The following OR51B5 variants were observed in gnomAD, a reference collection of about 807,000 sequenced individuals.
The protein encoded by OR51B5 is olfactory receptor 51B5.
For missense variants in OR51B5, 456 were observed against 374.6 expected (o/e 1.22, Z -1.79); for synonymous variants, 186 against 144.8 (o/e 1.28, Z -2.04).
rs376942679 is a variant in OR51B5 at position 5,342,607 on chromosome 11, A to G, written c.918T>C (p.Thr306=). ...GAGATCAGGTTCCAATTCTATGGGT[A>G]GTAAAAAGGTGAAGAATGGCATTCT... The change falls in exon 1 of 1, where the codon ACT becomes ACC. Residue 306 remains threonine (T), a synonymous_variant. Transcript: ENST00000300773. 9 of 1,592,818 alleles carry G rather than the reference A, an allele frequency of 5.7e-6. No individual in the cohort carries two copies. In the African/African-American group the frequency reaches 6.8e-5, roughly 12 times the overall value.
At chr11:5,454,148 C>A (rs753973848) in intron 1 of OR51B5, 2 of 1,614,180 alleles carry the variant, frequency 1.2e-6, no homozygotes, top group South Asian at 1.1e-5. Flanking sequence ...CCTATGTGCT[C>A]ATTCTGCGTT....
chr11:5,441,534 G>T (rs1046757434), intron 1 of OR51B5: 9 of 1,582,746 alleles, frequency 5.7e-6, no homozygotes, highest in Non-Finnish European at 7.8e-6. Context: ...ATATAGATAG[G>T]GAATGGACCC....
At chr11:5,478,859 T>C (rs1851363583) in intron 1 of OR51B5, among the ~76,000 whole-genome samples, 1 of 150,192 alleles carries the variant, frequency 6.7e-6, no homozygotes, top group Non-Finnish European at 1.5e-5. Flanking sequence ...TATGGGACTA[T>C]GTGAAAAGAC....
At chr11:5,468,574 G>C (rs1330704467) in intron 1 of OR51B5, 2 of 432,648 alleles carry the variant, frequency 4.6e-6, no homozygotes. Flanking sequence ...GAGCATTGGA[G>C]GTACAAAGAG....
At chr11:5,365,007 G>A (rs921900754) in intron 1 of OR51B5, among the ~76,000 whole-genome samples, 1 of 152,178 alleles carries the variant, frequency 6.6e-6, no homozygotes, top group Non-Finnish European at 1.5e-5. Flanking sequence ...TCAAGTAACT[G>A]CTTCTTCTTG....
At chr11:5,458,067 G>C (rs890809242) in intron 1 of OR51B5, among the ~76,000 whole-genome samples, 8 of 152,046 alleles carry the variant, frequency 5.3e-5, no homozygotes, top group Non-Finnish European at 1.0e-4. Context: ...TATTTCCTAG[G>C]TTTTATTCTA....
downstream of OR51B5, chr11:5,342,497 A>G: frequency 6.8e-7 from 1 of 1,460,758 alleles, no homozygotes; most frequent in Non-Finnish European, 9.1e-7. Context: ...AAGTCATATG[A>G]GCATGCATGC....
chr11:5,392,684 G>C (rs542884975), intron 1 of OR51B5: 1 of 152,248 alleles, frequency 6.6e-6, no homozygotes, highest in South Asian at 2.1e-4. Flanking sequence ...AGGCCGAGGC[G>C]GGTGGATCAC....
intron 1 of OR51B5, chr11:5,489,691 A>G (rs746636195): frequency 4.5e-5 from 67 of 1,500,804 alleles, no homozygotes; most frequent in Non-Finnish European, 5.5e-5. Context: ...GAGATTTAAA[A>G]AAAAGTGTAG....
chr11:5,358,979 T>C (rs1849237023), intron 1 of OR51B5, among the ~76,000 whole-genome samples: 1 of 151,740 alleles, frequency 6.6e-6, no homozygotes, highest in African/African-American at 2.4e-5. Context: ...AATTAGGTAT[T>C]GATGGGACGT....
At chr11:5,379,195 G>A (rs966066113) in intron 1 of OR51B5, among the ~76,000 whole-genome samples, 12 of 151,916 alleles carry the variant, frequency 7.9e-5, no homozygotes, top group African/African-American at 2.7e-4. Flanking sequence ...ATCATTCTCA[G>A]TAAACTATCG....
At chr11:5,442,750 C>T (rs1335114147) in intron 1 of OR51B5, among the ~76,000 whole-genome samples, 1 of 152,156 alleles carries the variant, frequency 6.6e-6, no homozygotes, top group East Asian at 1.9e-4. Flanking sequence ...CTGCTCAATT[C>T]ATTATATCGT....
chr11:5,414,633 C>T (rs1049061985), intron 1 of OR51B5, among the ~76,000 whole-genome samples: 12 of 151,866 alleles, frequency 7.9e-5, no homozygotes, highest in Non-Finnish European at 1.8e-4. Flanking sequence ...GGTTGCAATC[C>T]TAGTCTCTGA....
In OR51B5 at chr11:5,501,753, T is replaced by C. The variant is rs1328636645; in HGVS notation, n.84+3816A>G. Among the ~76,000 whole-genome samples, 11 of 148,660 alleles carry C rather than the reference T, an allele frequency of 7.4e-5. 3 individuals carry two copies. In the Admixed American group the frequency reaches 7.6e-4, roughly 10 times the overall value. ...TTACCATTGTGTGATATTTTCTTCTTTGCTTATTAATTTCTCCCTGTTTAT... is the reference window on the plus strand; with the variant it reads ...TTACCATTGTGTGATATTTTCTTCTCTGCTTATTAATTTCTCCCTGTTTAT... On this transcript the variant is annotated intron_variant and non_coding_transcript_variant, in intron 1 of 4. Coordinates refer to the OR51B5 transcript ENST00000415970.
chr11:5,382,161 T>G (rs1444433518), intron 1 of OR51B5, among the ~76,000 whole-genome samples: 1 of 152,240 alleles, frequency 6.6e-6, no homozygotes, highest in Non-Finnish European at 1.5e-5. Context: ...TGCCTACCTC[T>G]ACTGTTTTAT....
rs756036585 is a variant in OR51B5, at chr11:5,472,374, C to CA, written n.84+33194dup. ...TCTGTGGGGGAAGAGATGAGGTCCC[C>CA]ACTTACCTCCTCAGGGTAGCTCTGG... is the stretch of plus-strand genomic sequence containing the variant. On this transcript the variant is annotated intron_variant and non_coding_transcript_variant, in intron 1 of 4. Transcript: ENST00000415970. Among the ~76,000 whole-genome samples the CA allele has an allele frequency of 4.2e-4, 64 of 152,288 alleles. 1 individual carries two copies. The highest frequency in any genetic ancestry group is 1.4e-3 in the African/African-American group (59 of 41,558).
At chr11:5,357,627 T>C (rs1369559271) in intron 1 of OR51B5, among the ~76,000 whole-genome samples, 5 of 151,702 alleles carry the variant, frequency 3.3e-5, no homozygotes, top group Admixed American at 1.3e-4. Context: ...AACTCAGCTC[T>C]GCACCAAGCG....
At chr11:5,415,102 G>A (rs991361207) in intron 1 of OR51B5, among the ~76,000 whole-genome samples, 5 of 152,048 alleles carry the variant, frequency 3.3e-5, no homozygotes, top group African/African-American at 4.8e-5. Context: ...AATCAAACTA[G>A]AACTCAGCAT....
At chr11:5,366,980 C>T (rs1267523200) in intron 1 of OR51B5, among the ~76,000 whole-genome samples, 1 of 152,034 alleles carries the variant, frequency 6.6e-6, no homozygotes, top group Admixed American at 6.6e-5. Flanking sequence ...CTAACATTCC[C>T]CTCCCAAAGT....
Sources: allele counts gnomAD v4.1 joint callset (sites outside exome capture counted in the v4.1 genomes callset), GRCh38; gene constraint gnomAD v4.1.1; transcripts MANE v1.5; gene names NCBI Gene and HGNC (gene_info 2026-07-23, HGNC 2026-07-21).